Variants in DIAPH3 observed in about 807,000 individuals in gnomAD.
DIAPH3 encodes the protein diaphanous related formin 3.
A neutral mutation model predicts 144.3 loss-of-function variants in DIAPH3; 117 were observed. That is an observed-to-expected ratio of 0.81 (90% CI 0.70 to 0.95). DIAPH3 has a LOEUF of 0.95. Among genes scored for constraint, DIAPH3 ranks in the 40% least tolerant of loss-of-function variants. The pLI is 0.00. For missense variants in DIAPH3, 1,421 were observed against 1,412.7 expected, an observed-to-expected ratio of 1.01 and a Z score of -0.09; for synonymous variants, 519 against 488.9, an observed-to-expected ratio of 1.06 and a Z score of -0.81.
At chr13:60,069,060 A>G (rs951387216) in intron 4 of DIAPH3, among the ~76,000 whole-genome samples, 1 of 152,186 alleles carries the variant, frequency 6.6e-6, no homozygotes, top group Admixed American at 6.6e-5. Flanking sequence ...GAAACACCAT[A>G]CTGTTTTCAA....
At chr13:59,819,566 A>G (rs1296153678) in intron 24 of DIAPH3, among the ~76,000 whole-genome samples, 2 of 151,844 alleles carry the variant, frequency 1.3e-5, no homozygotes, top group African/African-American at 2.4e-5. Context: ...GTTCTCATAC[A>G]GTATGTATTT....
chr13:59,791,296 A>G (rs341559), intron 25 of DIAPH3, among the ~76,000 whole-genome samples: 94,574 of 152,030 alleles, frequency 0.62, 29,790 homozygotes, highest in East Asian at 0.7. Flanking sequence ...AGGAAACAAG[A>G]GATACATAAA....
chr13:60,012,375 G>T (rs1210397742), intron 7 of DIAPH3, among the ~76,000 whole-genome samples: 1 of 152,168 alleles, frequency 6.6e-6, no homozygotes, highest in East Asian at 1.9e-4. Flanking sequence ...CAACAAGACA[G>T]CTAAACAGTC....
At chr13:60,058,069 G>A (rs1230649033) in intron 4 of DIAPH3, among the ~76,000 whole-genome samples, 2 of 151,558 alleles carry the variant, frequency 1.3e-5, no homozygotes, top group African/African-American at 4.8e-5. Context: ...AAAAGCTTCT[G>A]CATAACAAAA....
chr13:59,841,842 C>A (rs772039689), intron 22 of DIAPH3, among the ~76,000 whole-genome samples: 8 of 152,044 alleles, frequency 5.3e-5, no homozygotes, highest in Non-Finnish European at 1.0e-4. Flanking sequence ...ACCAGAACAT[C>A]ATGAAGTAGG....
chr13:59,855,255 T>C (rs2043193155), intron 22 of DIAPH3, among the ~76,000 whole-genome samples: 1 of 152,198 alleles, frequency 6.6e-6, no homozygotes, highest in African/African-American at 2.4e-5. Context: ...CTTACCACTA[T>C]ACCACACTTG....
chr13:59,891,708 G>A (rs1297847173), intron 20 of DIAPH3, among the ~76,000 whole-genome samples: 3 of 151,932 alleles, frequency 2.0e-5, no homozygotes, highest in African/African-American at 7.2e-5. Context: ...GGAAACCACT[G>A]CTAAAAGCAA....
rs373806121 is a variant in DIAPH3, at chr13:59,908,093, G to A, written c.2367+3642C>T. On this transcript the variant is annotated intron_variant, in intron 20 of 27. Coordinates refer to ENST00000400324, the MANE Select transcript of DIAPH3 (RefSeq NM_001042517.2). ...CATGATAAAAGTAAGACATATGGCC[G>A]GGTGCAGTGGCTCACACCTGTAATC... 3.6e-3 allele frequency among the ~76,000 whole-genome samples: 542 copies of A among 152,018 alleles called. 2 individuals carry two copies. The highest frequency in any genetic ancestry group is 0.011 in the African/African-American group (475 of 41,458).
intron 17 of DIAPH3, among the ~76,000 whole-genome samples, chr13:59,952,586 T>C (rs1280549588): frequency 6.6e-6 from 1 of 152,110 alleles, no homozygotes; most frequent in Non-Finnish European, 1.5e-5. Context: ...AAAAAAAAGG[T>C]GAATCATTTT....
chr13:59,673,599 G>A (rs770246095), intron 27 of DIAPH3, among the ~76,000 whole-genome samples: 3 of 152,138 alleles, frequency 2.0e-5, no homozygotes, highest in Non-Finnish European at 4.4e-5. Flanking sequence ...ACTCAGGATG[G>A]GGGTTAACCA....
intron 1 of DIAPH3, among the ~76,000 whole-genome samples, chr13:60,145,166 A>G (rs1951445983): frequency 6.6e-6 from 1 of 152,222 alleles, no homozygotes; most frequent in Admixed American, 6.5e-5. Flanking sequence ...TAGGCTGGGA[A>G]TGAGTCAAAA....
intron 5 of DIAPH3, chr13:60,034,511 T>G (rs555376849): frequency 6.6e-6 from 1 of 152,214 alleles, no homozygotes; most frequent in Non-Finnish European, 1.5e-5. Flanking sequence ...ACAGTGGCTA[T>G]TCACAAGCAC....
chr13:59,845,517 C>T (rs2042583060), intron 22 of DIAPH3, among the ~76,000 whole-genome samples: 1 of 152,158 alleles, frequency 6.6e-6, no homozygotes, highest in South Asian at 2.1e-4. Flanking sequence ...CATCTGAGTT[C>T]CTAAACAAAG....
rs531159258 is a variant in DIAPH3, at chr13:59,991,199, A to T, written c.1320T>A (p.Ile440=). Residue 440 remains isoleucine, a synonymous_variant, in exon 12 of 28, where the codon ATT becomes ATA. Transcript: ENST00000400324. ...TTCGAATCAGCAAAAGATGCTGAAGAATAGAAATAAAATATCCCTCTGCTC... is the reference window on the plus strand; with the variant it reads ...TTCGAATCAGCAAAAGATGCTGAAGTATAGAAATAAAATATCCCTCTGCTC... ...ETRAEGYFIS[I]LQHLLLIRND... is the part of the protein sequence containing the mutation. 12 of 1,611,002 alleles carry T rather than the reference A, an allele frequency of 7.4e-6. No individual in the cohort carries two copies. The South Asian group carries it at 1.3e-4, about 18-fold the overall frequency.
At chr13:59,973,952 T>G (rs2050528588) in intron 15 of DIAPH3, among the ~76,000 whole-genome samples, 1 of 152,134 alleles carries the variant, frequency 6.6e-6, no homozygotes, top group Non-Finnish European at 1.5e-5. Context: ...CTCATTCAGC[T>G]AGAGGTTATC....
chr13:60,025,404 C>CAAA (rs370177105), intron 5 of DIAPH3, among the ~76,000 whole-genome samples: 5,009 of 67,964 alleles, frequency 0.074, 303 homozygotes, highest in East Asian at 0.34. Flanking sequence ...TTGTGCTTAG[C>CAAA]AAAAAAAAAA....
intron 9 of DIAPH3, among the ~76,000 whole-genome samples, chr13:59,997,774 G>C (rs539292773): frequency 6.6e-6 from 1 of 152,174 alleles, no homozygotes; most frequent in South Asian, 2.1e-4. Flanking sequence ...AAAGTAAGTA[G>C]TTCTTAGAAA....
At chr13:59,938,445 C>T (rs533172141) in intron 17 of DIAPH3, among the ~76,000 whole-genome samples, 2 of 152,006 alleles carry the variant, frequency 1.3e-5, no homozygotes, top group East Asian at 1.9e-4. Context: ...CTCATCTCCA[C>T]AAAAAACGTA....
At chr13:59,966,298 C>A (rs1195170162) in intron 17 of DIAPH3, among the ~76,000 whole-genome samples, 1 of 151,644 alleles carries the variant, frequency 6.6e-6, no homozygotes, top group Non-Finnish European at 1.5e-5. Context: ...TAATAAAAGG[C>A]AACAGGAATT....
Sources: allele counts gnomAD v4.1 joint callset (sites outside exome capture counted in the v4.1 genomes callset), GRCh38; gene constraint gnomAD v4.1.1; transcripts MANE v1.5; gene names NCBI Gene and HGNC (gene_info 2026-07-23, HGNC 2026-07-21).